The following TXNDC5 variants were observed in gnomAD, a reference collection of about 807,000 sequenced individuals.
The protein encoded by TXNDC5 is thioredoxin domain-containing protein 5.
In TXNDC5, 44 loss-of-function variants were observed where a neutral mutation model predicts 52.6. The observed-to-expected ratio is 0.84, with a 90% CI of 0.66 to 1.08. The LOEUF (loss-of-function observed/expected upper bound fraction) is 1.08, where lower values mean the gene tolerates loss of function less well. TXNDC5 is among the 50% of genes least tolerant of loss of function. The pLI, the probability that TXNDC5 is intolerant of heterozygous loss-of-function variation, is 0.00. For missense variants in TXNDC5, 600 were observed against 565.5 expected (o/e 1.06, Z -0.62); for synonymous variants, 241 against 234.4 (o/e 1.03, Z -0.26).
intron 1 of TXNDC5, among the ~76,000 whole-genome samples, chr6:7,909,585 CA>C (rs1310904139): frequency 6.6e-6 from 1 of 152,178 alleles, no homozygotes; most frequent in East Asian, 1.9e-4. Context: ...CGATCTCACA[CA>C]TAACAAGTGA....
At chr6:7,894,293 A>C (rs966229922) in intron 4 of TXNDC5, among the ~76,000 whole-genome samples, 10 of 150,952 alleles carry the variant, frequency 6.6e-5, no homozygotes, top group African/African-American at 9.8e-5. Context: ...TCTTCTGTAG[A>C]GACAAGGTCT....
chr6:7,881,553 G>A lies in TXNDC5; in HGVS notation c.*1591C>T, dbSNP rs1477054760. 1.3e-5 allele frequency: 2 copies of A among 152,248 alleles called. No individual in the cohort carries two copies. Among genetic ancestry groups the A allele is most frequent in the East Asian group, 1.9e-4 (1 of 5,192 alleles). The allele number at this position is 152,248 out of a possible 1,614,324, so 9.4% of individuals were successfully genotyped here. On this transcript the variant is annotated 3_prime_UTR_variant, in exon 10 of 10. Transcript: ENST00000379757. ...AAGAGTTTATTTAGAAAGTATCATA[G>A]TGTAAACAAACAAATTGTACCACTT... is the stretch of plus-strand genomic sequence containing the variant.
chr6:7,895,611 A>C (rs1015526458), intron 3 of TXNDC5, among the ~76,000 whole-genome samples: 1 of 152,250 alleles, frequency 6.6e-6, no homozygotes, highest in Non-Finnish European at 1.5e-5. Flanking sequence ...CGTATTCTGA[A>C]GGGGTCAGCA....
chr6:7,907,169 T>C (rs1269322133), intron 1 of TXNDC5, among the ~76,000 whole-genome samples: 1 of 151,982 alleles, frequency 6.6e-6, no homozygotes, highest in East Asian at 1.9e-4. Context: ...TTTTCCCTTT[T>C]TTTTTTTTGA....
At chr6:7,895,861 C>G (rs963025618) in intron 3 of TXNDC5, among the ~76,000 whole-genome samples, 3 of 152,064 alleles carry the variant, frequency 2.0e-5, no homozygotes, top group Non-Finnish European at 4.4e-5. Context: ...AGCATGGTGA[C>G]GTGCGCCTGT....
At chr6:7,905,286 T>C (rs111854189) in intron 1 of TXNDC5, among the ~76,000 whole-genome samples, 2 of 152,206 alleles carry the variant, frequency 1.3e-5, no homozygotes, top group Admixed American at 6.5e-5. Flanking sequence ...CCTTGGACAG[T>C]AGCTTAGCAC....
chr6:7,907,661 T>C (rs1760780837), intron 1 of TXNDC5, among the ~76,000 whole-genome samples: 1 of 152,226 alleles, frequency 6.6e-6, no homozygotes, highest in Non-Finnish European at 1.5e-5. Context: ...GGGAGTCCAC[T>C]GAGTCTTCTA....
chr6:7,909,508 C>A (rs571839357), intron 1 of TXNDC5, among the ~76,000 whole-genome samples: 1 of 152,176 alleles, frequency 6.6e-6, no homozygotes, highest in Non-Finnish European at 1.5e-5. Context: ...AGCAGCGAGG[C>A]CCACACCAAA....
intron 3 of TXNDC5, among the ~76,000 whole-genome samples, chr6:7,898,702 A>T (rs1760456282): frequency 6.6e-6 from 1 of 152,202 alleles, no homozygotes; most frequent in Admixed American, 6.5e-5. Flanking sequence ...CCCGGCATCC[A>T]GGGACCTGAG....
rs753763395 is a variant in TXNDC5 at position 7,883,048 on chromosome 6, A to C, written c.*96T>G. 1 of 1,562,028 alleles carries C rather than the reference A, an allele frequency of 6.4e-7. No homozygotes were observed. The highest frequency in any genetic ancestry group is 1.8e-5 in the Admixed American group (1 of 57,112). ...ACGCTTAGTATGTTCTGCTTTCTGA[A>C]CAGCCACCACTGGGAACCCAGTGGC... On this transcript the variant is annotated 3_prime_UTR_variant, in exon 10 of 10. Transcript: ENST00000379757.
At chr6:7,891,869 T>C (rs1760202544) in intron 4 of TXNDC5, 133 bp from the exon 5 acceptor site, 8 of 630,098 alleles carry the variant, frequency 1.3e-5, no homozygotes, top group East Asian at 5.8e-5. Context: ...AGCACTTTAA[T>C]TGGTACAAAG....
chr6:7,906,911 T>A (rs1760754900), intron 1 of TXNDC5, among the ~76,000 whole-genome samples: 1 of 152,202 alleles, frequency 6.6e-6, no homozygotes, highest in African/African-American at 2.4e-5. Flanking sequence ...CCCTGCTGTC[T>A]AAAGGCACAG....
rs772813880 is a variant in TXNDC5 at position 7,888,751 on chromosome 6, G to A, written c.917C>T (p.Thr306Met). ...RTETGATETV[T>M]PSEAPVLAAE... ...TGCCAGCACCGGGGCCTCTGAGGGC[G>A]TGACGGTCTCCGTCGCTCCAGTCTC... The change falls in exon 7 of 10, where the codon ACG (threonine) becomes ATG (methionine). Residue 306 changes from threonine (T) to methionine (M), a missense_variant. Transcript: ENST00000379757. The A allele has an allele frequency of 3.1e-6, 5 of 1,613,950 alleles. No individual in the cohort carries two copies. The highest frequency in any genetic ancestry group is 1.3e-5 in the African/African-American group (1 of 75,058).
Position 7,910,566 on chromosome 6 carries a change from A to G in TXNDC5, c.211T>C (p.Phe71Leu), listed in dbSNP as rs1356551076. The G allele has an allele frequency of 1.4e-6, 2 of 1,450,560 alleles. No individual in the cohort carries two copies. Among genetic ancestry groups the G allele is most frequent in the Admixed American group, 4.6e-5 (2 of 43,398 alleles). The allele number at this position is 1,450,560 out of a possible 1,614,324, so 89.9% of individuals were successfully genotyped here. A position where few individuals can be genotyped will look rare whatever the true frequency, so the allele number is the denominator to read the frequency against. ...GCGGCGCTCTGGATCCCGTGCGTGA[A>G]CATGTCGGCCGTGTACAGGTGCTTG... The part of the protein sequence containing the change: ...HSKHLYTADM[F>L]THGIQSAAHF... The change falls in exon 1 of 10, where the codon TTC becomes CTC. Residue 71 changes from phenylalanine to leucine, a missense_variant. Coordinates refer to ENST00000379757, the MANE Select transcript of TXNDC5 (RefSeq NM_030810.5).
In TXNDC5 at chr6:7,884,591, A is replaced by G; in HGVS notation, c.1047-103T>C. 3 of 1,500,128 alleles carry G rather than the reference A, an allele frequency of 2.0e-6. No homozygotes were observed. The South Asian group carries it at 3.6e-5, about 18-fold the overall frequency. The allele number at this position is 1,500,128 out of a possible 1,614,324, so 92.9% of individuals were successfully genotyped here. On this transcript the variant is annotated intron_variant, in intron 8 of 9. Coordinates refer to ENST00000379757, the MANE Select transcript of TXNDC5 (RefSeq NM_030810.5). ...TCTGTTTCTTCTGTATGGGACAGTC[A>G]ACAATTGCCTAGAAATTTGTAAAAT...
intron 2 of TXNDC5, among the ~76,000 whole-genome samples, chr6:7,901,038 C>G (rs1472590001): frequency 1.3e-5 from 2 of 152,152 alleles, no homozygotes; most frequent in African/African-American, 4.8e-5. Context: ...CTGGCCTTAC[C>G]CAGAACCTAA....
chr6:7,899,554 A>T, intron 3 of TXNDC5, 22 bp downstream of exon 3: 1 of 1,408,586 alleles, frequency 7.1e-7, no homozygotes. Context: ...GGAGGGAGGG[A>T]GGGAAGGAGG....
chr6:7,902,603 G>T (rs1368424449), intron 2 of TXNDC5, among the ~76,000 whole-genome samples: 1 of 151,802 alleles, frequency 6.6e-6, no homozygotes, highest in Non-Finnish European at 1.5e-5. Context: ...ATCTACAGAT[G>T]CCCCAGTGCG....
At position 7,881,519 on chromosome 6, in the gene TXNDC5, T is replaced by G. The variant is rs1039401782; in HGVS notation, c.*1625A>C. 1 of 152,120 alleles carries G rather than the reference T, an allele frequency of 6.6e-6. No individual in the cohort carries two copies. Among genetic ancestry groups the G allele is most frequent in the Non-Finnish European group, 1.5e-5 (1 of 67,914 alleles). 9.4% of individuals were successfully genotyped at this position (152,120 alleles called of 1,614,324 possible). ...TAACATTGAAGGAAAGACCAGACTT[T>G]TAAAAAAAAAGAGTTTATTTAGAAA... On this transcript the variant is annotated 3_prime_UTR_variant, in exon 10 of 10. Transcript: ENST00000379757.
Sources: allele counts gnomAD v4.1 joint callset (sites outside exome capture counted in the v4.1 genomes callset), GRCh38; gene constraint gnomAD v4.1.1; transcripts MANE v1.5; gene names NCBI Gene and HGNC (gene_info 2026-07-23, HGNC 2026-07-21).